The following NOL10 variants were observed in gnomAD, a reference collection of about 807,000 sequenced individuals.
NOL10 encodes nucleolar protein 10, also known as H_NH0074G24.1.
In NOL10, 58 loss-of-function variants were observed where a neutral mutation model predicts 103.5. That is an observed-to-expected ratio of 0.56 (90% confidence interval 0.45 to 0.70). The LOEUF (loss-of-function observed/expected upper bound fraction) is 0.70. Among genes scored for constraint, NOL10 ranks in the 30% least tolerant of loss-of-function variants. The probability of loss-of-function intolerance (pLI) is 0.00; values close to 1 mark genes in which losing one functional copy is unlikely to be tolerated. For synonymous variants in NOL10, 287 were observed against 282.5 expected (o/e 1.02, Z -0.16); for missense variants, 763 against 807.3 (o/e 0.95, Z 0.67).
At chr2:10,689,679 C>CG (rs1016308805) in intron 1 of NOL10, 117 bp downstream of exon 1, 8 of 1,036,526 alleles carry the variant, frequency 7.7e-6, no homozygotes, top group African/African-American at 6.4e-5. Flanking sequence ...CTCCCCGAGT[C>CG]GGGGGGTGAC....
intron 13 of NOL10, among the ~76,000 whole-genome samples, chr2:10,616,162 G>C (rs1272756859): frequency 6.6e-6 from 1 of 150,692 alleles, no homozygotes; most frequent in Non-Finnish European, 1.5e-5. Flanking sequence ...TATCTGGGTA[G>C]AGTCATTAGC....
chr2:10,638,792 CTTTTTTTTTTTTTTT>C (rs575658225), intron 13 of NOL10, among the ~76,000 whole-genome samples: 46 of 52,860 alleles, frequency 8.7e-4, no homozygotes, highest in African/African-American at 3.0e-3. Flanking sequence ...CGTGCCTGGC[CTTTTTTTTTTTTTTT>C]TTTTTTTTTT....
intron 13 of NOL10, among the ~76,000 whole-genome samples, chr2:10,628,726 C>T (rs1443957302): frequency 6.6e-6 from 1 of 152,146 alleles, no homozygotes; most frequent in East Asian, 1.9e-4. Context: ...AATCCCATGT[C>T]TTAAATGACC....
Position 10,598,704 on chromosome 2 carries a change from A to G in NOL10, c.1422+2149T>C, listed in dbSNP as rs150119368. Among the ~76,000 whole-genome samples the G allele has an allele frequency of 1.0e-3, 157 of 152,370 alleles. 3 individuals carry two copies. In the East Asian group the frequency reaches 0.025, roughly 25 times the overall value. On this transcript the variant is annotated intron_variant, in intron 17 of 20. Coordinates refer to ENST00000381685, the MANE Select transcript of NOL10 (RefSeq NM_024894.4). ...TATCCAAACTTAGAAAGTGAGTATG[A>G]CAATTTGCTGAGGCAAAGAAAAATG...
At chr2:10,625,876 T>C (rs762717914) in intron 13 of NOL10, among the ~76,000 whole-genome samples, 15 of 152,076 alleles carry the variant, frequency 9.9e-5, no homozygotes, top group Non-Finnish European at 2.2e-4. Flanking sequence ...TCATAATACA[T>C]TAAAAAAATG....
intron 11 of NOL10, among the ~76,000 whole-genome samples, chr2:10,655,974 G>A (rs1199817533): frequency 6.6e-6 from 1 of 152,104 alleles, no homozygotes; most frequent in Non-Finnish European, 1.5e-5. Flanking sequence ...GGGGAAACCA[G>A]GAAGCAAAGG....
intron 13 of NOL10, among the ~76,000 whole-genome samples, chr2:10,620,002 A>G (rs1677044592): frequency 1.3e-5 from 2 of 152,216 alleles, no homozygotes; most frequent in African/African-American, 4.8e-5. Flanking sequence ...ACACGCACAC[A>G]TGCCCCAAGG....
chr2:10,656,582 TA>T (rs1319291251), intron 11 of NOL10, among the ~76,000 whole-genome samples: 1 of 152,172 alleles, frequency 6.6e-6, no homozygotes, highest in Non-Finnish European at 1.5e-5. Context: ...AAATGAAATT[TA>T]AAAAACCAAA....
intron 17 of NOL10, among the ~76,000 whole-genome samples, chr2:10,592,320 C>G (rs1261650924): frequency 1.3e-5 from 2 of 152,152 alleles, no homozygotes; most frequent in African/African-American, 2.4e-5. Context: ...GCTGGCGACA[C>G]TGAGTTAGAA....
At chr2:10,627,502 C>T (rs377049336) in intron 13 of NOL10, among the ~76,000 whole-genome samples, 2 of 151,906 alleles carry the variant, frequency 1.3e-5, no homozygotes, top group African/African-American at 2.4e-5. Context: ...AGTGAAACCC[C>T]GTCTCTACCA....
At chr2:10,637,170 C>T (rs1396173470) in intron 13 of NOL10, among the ~76,000 whole-genome samples, 39 of 113,872 alleles carry the variant, frequency 3.4e-4, no homozygotes, top group East Asian at 8.0e-4. Flanking sequence ...ATCTGGGCCA[C>T]GGAGCAAGAC....
intron 13 of NOL10, among the ~76,000 whole-genome samples, chr2:10,640,374 G>C (rs1007906154): frequency 9.2e-5 from 14 of 152,186 alleles, no homozygotes; most frequent in Non-Finnish European, 1.2e-4. Context: ...CTGTGGGAGG[G>C]AGCAGGGCAG....
In NOL10 at chr2:10,587,160, C is replaced by CATATATATACACAT. The variant is rs368009505; in HGVS notation, c.1844+1882_1844+1883insATGTGTATATATAT. ...ATACACATATATATACATATATACA[C>CATATATATACACAT]ATATATACACATATATATACACATA... On this transcript the variant is annotated intron_variant, in intron 19 of 20. Coordinates refer to ENST00000381685, the MANE Select transcript of NOL10 (RefSeq NM_024894.4). Among the ~76,000 whole-genome samples, 7 of 22,686 alleles carry CATATATATACACAT rather than the reference C, an allele frequency of 3.1e-4. No individual in the cohort carries two copies. The South Asian group carries it at 5.4e-3, about 18-fold the overall frequency. 14.9% of individuals were successfully genotyped at this position (22,686 alleles called of 152,430 possible).
chr2:10,682,039 T>A lies in NOL10; in HGVS notation c.143A>T (p.Asp48Val). The A allele has an allele frequency of 6.6e-7, 1 of 1,525,500 alleles. No individual in the cohort carries two copies. The highest frequency in any genetic ancestry group is 1.4e-5 in the South Asian group (1 of 74,052). The allele number at this position is 1,525,500 out of a possible 1,614,324, so 94.5% of individuals were successfully genotyped here. Reference sequence around the variant, plus strand: ...GGTACACACAGTAGGCATTTCAAAGTCCTGAATAAGTTCAATTCTCCTACG... The same window carrying A: ...GGTACACACAGTAGGCATTTCAAAGACCTGAATAAGTTCAATTCTCCTACG... ...DVRRRIELIQ[D>V]FEMPTVCTTI... Residue 48 changes from aspartate (D) to valine (V), a missense_variant, in exon 3 of 21, where the codon GAC (aspartate) becomes GTC (valine). Coordinates refer to ENST00000381685, the MANE Select transcript of NOL10 (RefSeq NM_024894.4).
rs751540947 is a variant in NOL10 at position 10,572,130 on chromosome 2, G to A, written c.2008C>T (p.Leu670Phe). ...EKLHRQERKR[L>F]RRSAGHLKSR... The stretch of plus-strand genomic sequence containing the variant: ...TTCAGGTGTCCGGCCGAACGACGGA[G>A]TCTTTTCCTTTCTTGTCGATGCAGT... The change falls in exon 21 of 21, where the codon CTC becomes TTC. Residue 670 changes from leucine to phenylalanine, a missense_variant. Leu to Phe is a conservative substitution (Grantham distance 22). Transcript: ENST00000381685. The A allele has an allele frequency of 2.5e-6, 4 of 1,614,006 alleles. No individual in the cohort carries two copies. In the South Asian group the frequency reaches 4.4e-5, roughly 18 times the overall value.
At position 10,657,729 on chromosome 2, in the gene NOL10, C is replaced by CA; in HGVS notation, c.906+12dup. On this transcript the variant is annotated intron_variant, in intron 11 of 20. Transcript: ENST00000381685. ...AAATAAAGAAGCAAGTAATTTCAAC[C>CA]AAAAATACATACGGAGTTCTTATTC... 6.5e-7 allele frequency: 1 copy of CA among 1,543,150 alleles called. No individual in the cohort carries two copies. The highest frequency in any genetic ancestry group is 8.7e-7 in the Non-Finnish European group (1 of 1,142,918).
At chr2:10,600,964 GTATTT>G (rs754307292) in intron 16 of NOL10, 22 bp from the exon 17 acceptor site, 7 of 1,384,570 alleles carry the variant, frequency 5.1e-6, no homozygotes, top group African/African-American at 4.3e-5. Context: ...ATAAAAGCTG[GTATTT>G]TATTTTATTT....
At chr2:10,683,775 G>A in intron 2 of NOL10, among the ~76,000 whole-genome samples, 1 of 152,150 alleles carries the variant, frequency 6.6e-6, no homozygotes, top group East Asian at 1.9e-4. Flanking sequence ...AGTGTCCCCA[G>A]GAGACCCAAG....
At chr2:10,679,124 C>G (rs1012403628) in intron 3 of NOL10, among the ~76,000 whole-genome samples, 1 of 151,950 alleles carries the variant, frequency 6.6e-6, no homozygotes, top group African/African-American at 2.4e-5. Context: ...CTTTGGGAAG[C>G]TGAGGTGGGC....
Sources: gnomAD v4.1 joint callset for allele counts (sites outside exome capture counted in the v4.1 genomes callset) on GRCh38, gnomAD v4.1.1 for gene constraint, MANE v1.5 for transcripts, NCBI Gene and HGNC (gene_info 2026-07-23, HGNC 2026-07-21) for gene names.